The following ADGRF5 variants were observed in gnomAD, a reference collection of about 807,000 sequenced individuals.
ADGRF5 encodes adhesion G protein-coupled receptor F5.
In ADGRF5, 75 loss-of-function variants were observed where a neutral mutation model predicts 132.3. The observed-to-expected ratio is 0.57, with a 90% confidence interval of 0.47 to 0.69. The LOEUF is 0.69. ADGRF5 is among the 30% of genes least tolerant of loss of function. The pLI is 0.00. For synonymous variants in ADGRF5, 629 were observed against 597.6 expected, an observed-to-expected ratio of 1.05 and a Z score of -0.77; for missense variants, 1,516 against 1,630.6, an observed-to-expected ratio of 0.93 and a Z score of 1.21.
chr6:46,914,208 G>A (rs1776229602), intron 1 of ADGRF5, among the ~76,000 whole-genome samples: 1 of 152,136 alleles, frequency 6.6e-6, no homozygotes, highest in African/African-American at 2.4e-5. Flanking sequence ...GTTGCAATAA[G>A]GATAGAATGC....
chr6:46,930,925 A>G (rs2150935131), intron 1 of ADGRF5, among the ~76,000 whole-genome samples: 1 of 152,218 alleles, frequency 6.6e-6, no homozygotes, highest in African/African-American at 2.4e-5. Context: ...ATGGTGGTGC[A>G]CACCTGTAGT....
At chr6:46,862,600 C>CA (rs1312177519) in intron 15 of ADGRF5, among the ~76,000 whole-genome samples, 1 of 150,932 alleles carries the variant, frequency 6.6e-6, no homozygotes, top group African/African-American at 2.4e-5. Context: ...TACCGCTGCC[C>CA]CCTGGAGGTA....
At chr6:46,881,688 A>G (rs1317101797) in intron 7 of ADGRF5, 91 bp from the exon 8 acceptor site, 21 of 1,093,426 alleles carry the variant, frequency 1.9e-5, no homozygotes, top group Non-Finnish European at 2.8e-5. Flanking sequence ...ACAAAATAGC[A>G]CAAACTGCCT....
chr6:46,894,611 C>T (rs1773984574), intron 3 of ADGRF5, among the ~76,000 whole-genome samples: 1 of 152,196 alleles, frequency 6.6e-6, no homozygotes, highest in Non-Finnish European at 1.5e-5. Context: ...AAAACTATAA[C>T]TCATAGCTAT....
intron 1 of ADGRF5, among the ~76,000 whole-genome samples, chr6:46,915,731 C>A (rs768831876): frequency 6.6e-6 from 1 of 151,742 alleles, no homozygotes; most frequent in African/African-American, 2.4e-5. Context: ...ATTACTTTAT[C>A]CCCCCACCCC....
chr6:46,910,705 C>CCAAA (rs1284481323), intron 1 of ADGRF5, among the ~76,000 whole-genome samples: 65 of 148,646 alleles, frequency 4.4e-4, no homozygotes, highest in African/African-American at 9.7e-4. Flanking sequence ...AACCAACCAA[C>CCAAA]CAAACAAACA....
At chr6:46,880,390 T>C (rs1176525452) in intron 8 of ADGRF5, among the ~76,000 whole-genome samples, 1 of 152,200 alleles carries the variant, frequency 6.6e-6, no homozygotes, top group East Asian at 1.9e-4. Flanking sequence ...ACCAAGTTTC[T>C]GTGCTACACA....
chr6:46,912,852 T>TA lies in ADGRF5; in HGVS notation c.-24-6067dup, dbSNP rs1054496651. On this transcript the variant is annotated intron_variant, in intron 1 of 20. Transcript: ENST00000283296. Reference sequence around the variant, plus strand: ...AGTTATGACCAGACCCTTCGCTGATTAAAAAAAATGCAAGTTAGCTCACTG... The same window carrying TA: ...AGTTATGACCAGACCCTTCGCTGATTAAAAAAAAATGCAAGTTAGCTCACTG... 6.6e-5 allele frequency among the ~76,000 whole-genome samples: 10 copies of TA among 151,948 alleles called. No individual in the cohort carries two copies. The East Asian group carries it at 7.7e-4, about 12-fold the overall frequency.
intron 1 of ADGRF5, among the ~76,000 whole-genome samples, chr6:46,909,684 AC>A (rs1554210116): frequency 1.3e-5 from 2 of 152,032 alleles, no homozygotes; most frequent in Non-Finnish European, 2.9e-5. Flanking sequence ...CTTAGAAACA[AC>A]CGGTGCTGGC....
At position 46,865,093 on chromosome 6, in the gene ADGRF5, C is replaced by G. The variant is rs1190612321; in HGVS notation, c.1939G>C (p.Ala647Pro). ...GGGCTCCAGACTGAATTATTAGCAGCATTGGTAAAGTGACAACACACATCA... is the reference window on the plus strand; with the variant it reads ...GGGCTCCAGACTGAATTATTAGCAGGATTGGTAAAGTGACAACACACATCA... ...TVDVCCHFTNAANNSVWSPSM... is the reference protein window; with the variant it reads ...TVDVCCHFTNPANNSVWSPSM... Residue 647 changes from alanine to proline, a missense_variant, in exon 14 of 21, where the codon GCT (alanine) becomes CCT (proline). Coordinates refer to ENST00000283296, the MANE Select transcript of ADGRF5 (RefSeq NM_001098518.2). 1.2e-6 allele frequency: 2 copies of G among 1,610,442 alleles called. No homozygotes were observed. The highest frequency in any genetic ancestry group is 1.7e-6 in the Non-Finnish European group (2 of 1,176,866).
At chr6:46,878,550 A>G in intron 9 of ADGRF5, 145 bp from the exon 10 acceptor site, 1 of 614,162 alleles carries the variant, frequency 1.6e-6, no homozygotes, top group Non-Finnish European at 2.9e-6. Context: ...GACGCCTAAA[A>G]AACCATTCAG....
intron 1 of ADGRF5, among the ~76,000 whole-genome samples, chr6:46,953,869 G>A (rs1778621859): frequency 6.6e-6 from 1 of 151,692 alleles, no homozygotes; most frequent in African/African-American, 2.4e-5. Context: ...GGTATGAATT[G>A]TTTGATATTC....
intron 1 of ADGRF5, among the ~76,000 whole-genome samples, chr6:46,927,912 AC>A (rs1281803802): frequency 2.0e-5 from 3 of 152,174 alleles, no homozygotes; most frequent in Admixed American, 6.5e-5. Flanking sequence ...TCCACGTTGT[AC>A]TTCCCCAGGC....
In ADGRF5 at chr6:46,860,877, G is replaced by T. The variant is rs1241180161; in HGVS notation, c.2217C>A (p.Pro739=). 2.5e-6 allele frequency: 4 copies of T among 1,608,424 alleles called. No individual in the cohort carries two copies. The highest frequency in any genetic ancestry group is 3.4e-6 in the Non-Finnish European group (4 of 1,176,638). Residue 739 remains proline (P), a synonymous_variant, in exon 16 of 21, where the codon CCC becomes CCA. Coordinates refer to ENST00000283296, the MANE Select transcript of ADGRF5 (RefSeq NM_001098518.2). ...ATGTAGGGAGCATCTCATCCTGAGA[G>T]GGGCTCTTGATCAAAGCCTAGTAAA... ...LQMAKALIKS[P]SQDEMLPTYL... is the part of the protein sequence containing the mutation.
In ADGRF5 at chr6:46,881,513, T is replaced by C. The variant is rs755498846; in HGVS notation, c.756A>G (p.Val252=). The change falls in exon 8 of 21, where the codon GTA becomes GTG. Residue 252 remains valine (V), a synonymous_variant. Coordinates refer to ENST00000283296, the MANE Select transcript of ADGRF5 (RefSeq NM_001098518.2). ...TTTTGTAGGTCTGATTGAGGCTCTG[T>C]ACAACTTGTTCATTGGCTTTATGTA... The part of the protein sequence containing the change: ...ELIHKANEQV[V]QSLNQTYKMD... The C allele has an allele frequency of 3.1e-6, 5 of 1,613,452 alleles. No individual in the cohort carries two copies. The highest frequency in any genetic ancestry group is 4.2e-6 in the Non-Finnish European group (5 of 1,179,330).
Position 46,934,345 on chromosome 6 carries a change from T to C in ADGRF5, c.-25+20389A>G, listed in dbSNP as rs116513746. ...GTTGACACTTGGACCAGATCTTTTA[T>C]TGACTTTCCCCTCCATTATTTTCAG... On this transcript the variant is annotated intron_variant, in intron 1 of 20. Transcript: ENST00000265417. 8.6e-3 allele frequency among the ~76,000 whole-genome samples: 1,309 copies of C among 152,322 alleles called. 23 individuals carry two copies. Among genetic ancestry groups the C allele is most frequent in the African/African-American group, 0.029 (1,186 of 41,576 alleles).
chr6:46,935,255 G>A (rs187976301), intron 1 of ADGRF5, among the ~76,000 whole-genome samples: 5 of 151,994 alleles, frequency 3.3e-5, no homozygotes, highest in African/African-American at 4.8e-5. Context: ...CACCCGCCTC[G>A]GCCTCCCAAA....
upstream of ADGRF5, among the ~76,000 whole-genome samples, chr6:46,924,276 C>T (rs1390397799): frequency 6.6e-6 from 1 of 152,182 alleles, no homozygotes; most frequent in Non-Finnish European, 1.5e-5. Context: ...CTGCCAGATG[C>T]ATGTCTTTTT....
chr6:46,885,827 A>G (rs1468666450), intron 4 of ADGRF5, among the ~76,000 whole-genome samples: 2 of 152,262 alleles, frequency 1.3e-5, no homozygotes, highest in African/African-American at 4.8e-5. Context: ...TTATTTTCAT[A>G]TAACTGTTAG....
Sources: allele counts gnomAD v4.1 joint callset (sites outside exome capture counted in the v4.1 genomes callset), GRCh38; gene constraint gnomAD v4.1.1; transcripts MANE v1.5; gene names NCBI Gene and HGNC (gene_info 2026-07-23, HGNC 2026-07-21).